Variants in RIPOR3 observed in about 807,000 individuals in gnomAD.
The protein encoded by RIPOR3 is RIPOR family member 3.
A neutral mutation model predicts 114.3 loss-of-function variants in RIPOR3; 95 were observed. That is an observed-to-expected ratio of 0.83 (90% CI 0.70 to 0.99). RIPOR3 has a LOEUF of 0.99. Among genes scored for constraint, RIPOR3 ranks in the 50% least tolerant of loss-of-function variants. The probability of loss-of-function intolerance (pLI) is 0.00; values close to 1 mark genes in which losing one functional copy is unlikely to be tolerated. For missense variants in RIPOR3, 1,252 were observed against 1,266.9 expected, an observed-to-expected ratio of 0.99 and a Z score of 0.18; for synonymous variants, 575 against 543.8, an observed-to-expected ratio of 1.06 and a Z score of -0.80.
intron 20 of RIPOR3, 45 bp downstream of exon 20, chr20:50,589,641 A>G: frequency 3.8e-6 from 6 of 1,593,134 alleles, no homozygotes; most frequent in Non-Finnish European, 5.2e-6. Flanking sequence ...CCTAACCACA[A>G]GCAGGCTTTT....
intron 13 of RIPOR3, among the ~76,000 whole-genome samples, chr20:50,601,847 G>A (rs1183442668): frequency 6.6e-6 from 1 of 152,174 alleles, no homozygotes; most frequent in Non-Finnish European, 1.5e-5. Flanking sequence ...ATGTGCATGA[G>A]CCTATCTACT....
chr20:50,606,727 CTTTTT>C (rs55820806), intron 11 of RIPOR3, among the ~76,000 whole-genome samples: 2 of 147,464 alleles, frequency 1.4e-5, no homozygotes, highest in African/African-American at 5.0e-5. Flanking sequence ...GCTTTCTTGC[CTTTTT>C]TTTTTTTCTT....
At chr20:50,630,540 ACT>A (rs2084776964) in intron 2 of RIPOR3, among the ~76,000 whole-genome samples, 196 bp downstream of exon 2, 1 of 148,132 alleles carries the variant, frequency 6.8e-6, no homozygotes, top group Non-Finnish European at 1.5e-5. Flanking sequence ...ACACTAAGAA[ACT>A]CTGTCTCTCT....
At chr20:50,645,145 A>G (rs2085357046) in intron 1 of RIPOR3, among the ~76,000 whole-genome samples, 1 of 151,982 alleles carries the variant, frequency 6.6e-6, no homozygotes, top group Admixed American at 6.6e-5. Flanking sequence ...CCTGGCCCCC[A>G]TTTCTTATTA....
At chr20:50,614,067 G>A (rs1015476532) in intron 4 of RIPOR3, among the ~76,000 whole-genome samples, 2 of 152,010 alleles carry the variant, frequency 1.3e-5, no homozygotes, top group Admixed American at 6.6e-5. Context: ...ACAGAGTCTG[G>A]CTCTATCGTC....
At chr20:50,591,340 CTATT>C (rs535623639) in intron 19 of RIPOR3, among the ~76,000 whole-genome samples, 3 of 152,260 alleles carry the variant, frequency 2.0e-5, no homozygotes, top group South Asian at 2.1e-4. Context: ...ATATAGTTAA[CTATT>C]TAAGGTCAAA....
intron 14 of RIPOR3, among the ~76,000 whole-genome samples, chr20:50,596,605 C>T (rs2083299540): frequency 6.6e-6 from 1 of 152,184 alleles, no homozygotes; most frequent in South Asian, 2.1e-4. Flanking sequence ...GCAGGAGCCC[C>T]ACACTCAAGG....
chr20:50,604,232 G>A (rs1329652399), intron 12 of RIPOR3, among the ~76,000 whole-genome samples: 4 of 152,130 alleles, frequency 2.6e-5, no homozygotes, highest in Non-Finnish European at 4.4e-5. Flanking sequence ...CTTGCTGGTA[G>A]ATGGATTGCT....
chr20:50,624,824 T>C (rs2084557739), intron 2 of RIPOR3, among the ~76,000 whole-genome samples: 1 of 152,182 alleles, frequency 6.6e-6, no homozygotes, highest in South Asian at 2.1e-4. Context: ...GCAGAGGCCT[T>C]GGTACTCGGC....
rs1555866775 is a variant in RIPOR3 at position 50,652,609 on chromosome 20, A to AAAG, written c.4-21754_4-21753insCTT. 3.6e-4 allele frequency among the ~76,000 whole-genome samples: 53 copies of AAAG among 146,862 alleles called. 1 individual carries two copies. Among genetic ancestry groups the AAAG allele is most frequent in the Non-Finnish European group, 4.4e-4 (29 of 66,414 alleles). On this transcript the variant is annotated intron_variant, in intron 1 of 21. Transcript: ENST00000327979. Reference sequence around the variant, plus strand: ...CTGTCTCAAAAAAAAAAAAAAAAAAAAAAAGAAAAGAAAAGAAAAGAAAGA... The same window carrying AAAG: ...CTGTCTCAAAAAAAAAAAAAAAAAAAAAGAAAAGAAAAGAAAAGAAAAGAAAGA...
At chr20:50,679,364 C>T (rs1477586399) in intron 1 of RIPOR3, among the ~76,000 whole-genome samples, 8 of 150,478 alleles carry the variant, frequency 5.3e-5, no homozygotes, top group African/African-American at 1.2e-4. Context: ...TGGACTGGGC[C>T]GGGCACGGTG....
At chr20:50,601,799 A>C (rs2083503985) in intron 13 of RIPOR3, among the ~76,000 whole-genome samples, 2 of 152,208 alleles carry the variant, frequency 1.3e-5, no homozygotes. Flanking sequence ...CCGCCCACCC[A>C]GGTCAGAAGG....
intron 6 of RIPOR3, among the ~76,000 whole-genome samples, chr20:50,610,505 T>C (rs1452770907): frequency 1.3e-5 from 2 of 152,222 alleles, no homozygotes; most frequent in Non-Finnish European, 2.9e-5. Context: ...TGTTCATCTC[T>C]GGACCTCTGC....
At chr20:50,629,680 G>A (rs1490727563) in intron 2 of RIPOR3, among the ~76,000 whole-genome samples, 4 of 152,170 alleles carry the variant, frequency 2.6e-5, no homozygotes, top group East Asian at 1.9e-4. Context: ...CAGCTGCACC[G>A]GCTGCTGGCC....
chr20:50,615,172 G>A (rs1416881065), intron 4 of RIPOR3, among the ~76,000 whole-genome samples: 1 of 145,432 alleles, frequency 6.9e-6, no homozygotes, highest in Admixed American at 7.1e-5. Context: ...TGCTAAGGGA[G>A]AGGCAAAAAA....
At chr20:50,630,886 G>A (rs1414322970) in intron 1 of RIPOR3, 30 bp from the exon 2 acceptor site, 2 of 1,550,120 alleles carry the variant, frequency 1.3e-6, no homozygotes, top group South Asian at 1.2e-5. Context: ...GAGTCAGCCT[G>A]GCATCACCAT....
At chr20:50,658,754 A>G (rs1245707072) in intron 1 of RIPOR3, among the ~76,000 whole-genome samples, 1 of 152,170 alleles carries the variant, frequency 6.6e-6, no homozygotes, top group African/African-American at 2.4e-5. Flanking sequence ...ATAAGATGTT[A>G]TTATTACCCT....
intron 6 of RIPOR3, among the ~76,000 whole-genome samples, chr20:50,610,211 CCT>C (rs1410156057): frequency 1.1e-4 from 17 of 151,302 alleles, no homozygotes; most frequent in African/African-American, 3.4e-4. Context: ...CCCTGCCAAC[CCT>C]GTCTCACCTG....
chr20:50,682,233 A>G (rs1195622077), intron 1 of RIPOR3, among the ~76,000 whole-genome samples: 1 of 152,260 alleles, frequency 6.6e-6, no homozygotes, highest in African/African-American at 2.4e-5. Context: ...GCCATGGAAT[A>G]GTACACAGCA....
Sources: gnomAD v4.1 joint callset for allele counts (sites outside exome capture counted in the v4.1 genomes callset) on GRCh38, gnomAD v4.1.1 for gene constraint, MANE v1.5 for transcripts, NCBI Gene and HGNC (gene_info 2026-07-23, HGNC 2026-07-21) for gene names.